SCAPER: variants seen among roughly 807,000 people sequenced by gnomAD.
SCAPER encodes S-phase cyclin A associated protein in the ER, also known as S phase cyclin A-associated protein in the endoplasmic reticulum.
Under a neutral mutation model 182.2 loss-of-function variants are expected in SCAPER, and 98 were observed. The observed-to-expected ratio is 0.54, with a 90% CI of 0.46 to 0.64. SCAPER has a LOEUF of 0.64. SCAPER is among the 30% of genes least tolerant of loss of function. SCAPER has a pLI of 0.00. For missense variants in SCAPER, 1,432 were observed against 1,690.0 expected (o/e 0.85, Z 2.68); for synonymous variants, 605 against 564.6 (o/e 1.07, Z -1.01).
intron 9 of SCAPER, 58 bp from the exon 10 acceptor site, chr15:76,772,012 TAGA>T (rs2063496577): frequency 7.7e-7 from 1 of 1,306,588 alleles, no homozygotes; most frequent in South Asian, 1.3e-5. Context: ...TATTCCACTT[TAGA>T]AGAAGAGATG....
intron 23 of SCAPER, among the ~76,000 whole-genome samples, chr15:76,560,043 G>A (rs1485950672): frequency 1.3e-5 from 2 of 151,924 alleles, no homozygotes; most frequent in Non-Finnish European, 2.9e-5. Flanking sequence ...TATTTATGGT[G>A]TCATTCCCAC....
intron 8 of SCAPER, among the ~76,000 whole-genome samples, chr15:76,791,755 T>G (rs967277237): frequency 6.6e-6 from 1 of 151,994 alleles, no homozygotes; most frequent in African/African-American, 2.4e-5. Flanking sequence ...AGCAACTGTA[T>G]AGTGCTGAGG....
intron 31 of SCAPER, 25 bp from the exon 32 acceptor site, chr15:76,348,761 A>G (rs867383196): frequency 7.3e-7 from 1 of 1,378,788 alleles, no homozygotes. Flanking sequence ...AAAGAGAAAA[A>G]AGTTAAATAA....
At chr15:76,717,140 G>C (rs1432243154) in intron 17 of SCAPER, among the ~76,000 whole-genome samples, 1 of 27,314 alleles carries the variant, frequency 3.7e-5, no homozygotes, top group African/African-American at 9.9e-5. Context: ...AATGATGAAA[G>C]GGAAAAAAAA....
intron 20 of SCAPER, among the ~76,000 whole-genome samples, chr15:76,672,828 T>C (rs34924128): frequency 6.6e-6 from 1 of 151,838 alleles, no homozygotes; most frequent in South Asian, 2.1e-4. Context: ...CTCAGCCTTT[T>C]GGCTAAGATC....
chr15:76,750,337 T>G (rs2062017594), intron 15 of SCAPER, among the ~76,000 whole-genome samples: 1 of 151,894 alleles, frequency 6.6e-6, no homozygotes, highest in Non-Finnish European at 1.5e-5. Flanking sequence ...CTGATGGCTT[T>G]ATGGGTGAAT....
intron 24 of SCAPER, among the ~76,000 whole-genome samples, chr15:76,475,252 C>A (rs772467613): frequency 2.6e-5 from 4 of 151,904 alleles, no homozygotes; most frequent in Non-Finnish European, 5.9e-5. Context: ...TTTTTTATCC[C>A]ATTTTCCCAT....
At chr15:76,352,339 G>C (rs566830313) in intron 30 of SCAPER, among the ~76,000 whole-genome samples, 1 of 151,930 alleles carries the variant, frequency 6.6e-6, no homozygotes, top group South Asian at 2.1e-4. Flanking sequence ...TGTGAAGGCA[G>C]GAATTTTTAT....
rs371837630 is a variant in SCAPER at position 76,615,806 on chromosome 15, C to T, written c.2711+5958G>A. On this transcript the variant is annotated intron_variant, in intron 22 of 31. Coordinates refer to ENST00000563290, the MANE Select transcript of SCAPER (RefSeq NM_020843.4). ...TTGCACTCCAGCCTGGGTAACAGAGCGAGATTCCATCTCAAAAAAAAAAAA... is the reference window on the plus strand; with the variant it reads ...TTGCACTCCAGCCTGGGTAACAGAGTGAGATTCCATCTCAAAAAAAAAAAA... 8.2e-5 allele frequency among the ~76,000 whole-genome samples: 11 copies of T among 134,588 alleles called. No homozygotes were observed. In the East Asian group the frequency reaches 1.7e-3, roughly 20 times the overall value. 88.3% of individuals were successfully genotyped at this position (134,588 alleles called of 152,430 possible). A position where few individuals can be genotyped will look rare whatever the true frequency, so the allele number is the denominator to read the frequency against.
At chr15:76,705,820 T>C (rs2059233794) in intron 18 of SCAPER, 83 bp downstream of exon 18, 1 of 867,498 alleles carries the variant, frequency 1.2e-6, no homozygotes. Context: ...ACAAATTAAT[T>C]CAATTTTTTT....
chr15:76,771,626 T>C, intron 10 of SCAPER, 116 bp downstream of exon 10: 1 of 691,238 alleles, frequency 1.4e-6, no homozygotes, highest in South Asian at 2.4e-5. Context: ...ATGAAATAAA[T>C]ATATAAAAAT....
At chr15:76,654,704 T>C (rs2055473798) in intron 21 of SCAPER, among the ~76,000 whole-genome samples, 1 of 152,158 alleles carries the variant, frequency 6.6e-6, no homozygotes, top group Non-Finnish European at 1.5e-5. Flanking sequence ...AGGCAGCAAA[T>C]ATGAGTGGGA....
At chr15:76,668,002 A>T (rs1411336695) in intron 20 of SCAPER, among the ~76,000 whole-genome samples, 2 of 152,156 alleles carry the variant, frequency 1.3e-5, no homozygotes, top group Non-Finnish European at 2.9e-5. Context: ...ATCTCCAGTT[A>T]GGTGGAACAT....
chr15:76,706,471 G>A (rs774716790), intron 17 of SCAPER, among the ~76,000 whole-genome samples: 1 of 152,116 alleles, frequency 6.6e-6, no homozygotes, highest in Non-Finnish European at 1.5e-5. Flanking sequence ...AAATTCCATA[G>A]AAGCTCAGAA....
intron 5 of SCAPER, among the ~76,000 whole-genome samples, chr15:76,805,715 G>A (rs187191913): frequency 1.2e-3 from 182 of 151,918 alleles, no homozygotes; most frequent in Non-Finnish European, 2.0e-3. Context: ...TTACAGGCAC[G>A]TGCCACCATG....
chr15:76,804,541 A>C lies in SCAPER; in HGVS notation c.486T>G (p.Ala162=), dbSNP rs1196217648. ...ACCAGAGAGCTCATTACCTGCTTTG[A>C]GCATCTGTCTTCTCTAGCTTTTCCT... ...QLQEKLEKTD[A]QSRPTSLAWE... Residue 162 remains alanine, a synonymous_variant, in exon 6 of 32, where the codon GCT becomes GCG. Coordinates refer to ENST00000563290, the MANE Select transcript of SCAPER (RefSeq NM_020843.4). The C allele has an allele frequency of 6.2e-7, 1 of 1,607,180 alleles. No homozygotes were observed. The highest frequency in any genetic ancestry group is 8.5e-7 in the Non-Finnish European group (1 of 1,176,170).
At chr15:76,865,491 A>C (rs2072213343) in intron 2 of SCAPER, among the ~76,000 whole-genome samples, 1 of 152,198 alleles carries the variant, frequency 6.6e-6, no homozygotes, top group Non-Finnish European at 1.5e-5. Flanking sequence ...CTGAGTATTA[A>C]GATACTTTGA....
At chr15:76,658,874 A>T (rs996966640) in intron 21 of SCAPER, among the ~76,000 whole-genome samples, 2 of 152,214 alleles carry the variant, frequency 1.3e-5, no homozygotes, top group Non-Finnish European at 2.9e-5. Flanking sequence ...CATATGCAGA[A>T]GCTAAAACTG....
chr15:76,733,307 A>G lies in SCAPER; in HGVS notation c.1944T>C (p.Tyr648=). 1 of 1,612,944 alleles carries G rather than the reference A, an allele frequency of 6.2e-7. No homozygotes were observed. The highest frequency in any genetic ancestry group is 8.5e-7 in the Non-Finnish European group (1 of 1,179,440). ...RHDVLSKLKE[Y]EQRLNELQEE... The stretch of plus-strand genomic sequence containing the variant: ...CCTGTAGCTCATTAAGCCTCTGTTC[A>G]TATTCCTTCAATTTTGATAAAACAT... The change falls in exon 16 of 32, where the codon TAT becomes TAC. Residue 648 remains tyrosine (Y), a synonymous_variant. Coordinates refer to ENST00000563290, the MANE Select transcript of SCAPER (RefSeq NM_020843.4).
Sources: allele counts gnomAD v4.1 joint callset (sites outside exome capture counted in the v4.1 genomes callset), GRCh38; gene constraint gnomAD v4.1.1; transcripts MANE v1.5; gene names NCBI Gene and HGNC (gene_info 2026-07-23, HGNC 2026-07-21).